NAV3: variants seen among roughly 807,000 people sequenced by gnomAD.
NAV3 encodes neuron navigator 3.
NAV3 carries 87 observed loss-of-function variants against 244.7 expected under a neutral mutation model. The ratio of observed to expected loss-of-function variants is 0.36; its 90% CI spans 0.30 to 0.42. The LOEUF is 0.42. Ranked by LOEUF, NAV3 falls within the 20% of genes least tolerant of loss-of-function variation. The pLI is 1.00. For missense variants in NAV3, 2,663 were observed against 2,893.3 expected (o/e 0.92, Z 1.83); for synonymous variants, 1,126 against 1,042.2 (o/e 1.08, Z -1.55).
intron 1 of NAV3, among the ~76,000 whole-genome samples, chr12:77,858,535 C>G (rs1878736527): frequency 1.3e-5 from 2 of 152,020 alleles, no homozygotes; most frequent in South Asian, 4.1e-4. Context: ...GGTGAGAAAA[C>G]AGTTCTGTTG....
intron 2 of NAV3, among the ~76,000 whole-genome samples, chr12:77,597,745 G>A (rs937476659): frequency 1.3e-5 from 2 of 151,994 alleles, no homozygotes; most frequent in African/African-American, 2.4e-5. Flanking sequence ...AAAACAGAAG[G>A]ATGTACAAAG....
chr12:78,080,469 G>C (rs941387963), intron 12 of NAV3, among the ~76,000 whole-genome samples: 1 of 152,106 alleles, frequency 6.6e-6, no homozygotes, highest in Non-Finnish European at 1.5e-5. Flanking sequence ...TTGGATTAAA[G>C]ACTTAATCAC....
intron 2 of NAV3, among the ~76,000 whole-genome samples, chr12:77,588,424 G>T (rs1326541770): frequency 6.6e-6 from 1 of 152,080 alleles, no homozygotes; most frequent in Admixed American, 6.6e-5. Context: ...CAACCAATAA[G>T]TATTTACTGT....
intron 2 of NAV3, among the ~76,000 whole-genome samples, chr12:77,588,292 T>TA (rs1869731405): frequency 6.6e-6 from 1 of 151,936 alleles, no homozygotes; most frequent in Admixed American, 6.6e-5. Context: ...TTTTTTATTT[T>TA]TTTTTTGGTA....
chr12:77,713,850 G>C (rs761696719), intron 2 of NAV3, among the ~76,000 whole-genome samples: 1 of 151,978 alleles, frequency 6.6e-6, no homozygotes, highest in African/African-American at 2.4e-5. Context: ...GTTATTGTGG[G>C]CTAGGTAATT....
chr12:77,826,428 G>C (rs1479747214), upstream of NAV3, among the ~76,000 whole-genome samples: 1 of 151,626 alleles, frequency 6.6e-6, no homozygotes, highest in African/African-American at 2.4e-5. Context: ...GGAGGCTGAA[G>C]TTGTAGTGAG....
chr12:78,065,904 T>A (rs1884961393), intron 12 of NAV3, among the ~76,000 whole-genome samples: 1 of 152,136 alleles, frequency 6.6e-6, no homozygotes. Context: ...GTGATAAGTC[T>A]TAAGGAAGAT....
chr12:77,977,550 C>T (rs1256326178), intron 5 of NAV3, among the ~76,000 whole-genome samples: 4 of 152,096 alleles, frequency 2.6e-5, no homozygotes, highest in South Asian at 4.1e-4. Flanking sequence ...TCTCTGTTAT[C>T]GGCACTTTTA....
intron 2 of NAV3, among the ~76,000 whole-genome samples, chr12:77,592,208 C>T (rs376172087): frequency 3.3e-5 from 5 of 152,324 alleles, no homozygotes; most frequent in African/African-American, 1.2e-4. Flanking sequence ...TGGAGACTGG[C>T]TGGCTGGGGC....
chr12:78,121,284 G>GTT (rs1955656092), intron 15 of NAV3, among the ~76,000 whole-genome samples: 1 of 152,136 alleles, frequency 6.6e-6, no homozygotes. Context: ...CACCAGCTCT[G>GTT]TTTCAAATCA....
intron 2 of NAV3, among the ~76,000 whole-genome samples, chr12:77,771,554 C>T (rs1870087793): frequency 1.3e-5 from 2 of 152,128 alleles, no homozygotes; most frequent in Admixed American, 1.3e-4. Context: ...GAAAATGTGG[C>T]ACATATACAC....
intron 2 of NAV3, among the ~76,000 whole-genome samples, chr12:77,711,456 T>G (rs1049231814): frequency 1.1e-4 from 17 of 152,252 alleles, no homozygotes; most frequent in African/African-American, 4.1e-4. Flanking sequence ...GCTAATTTTC[T>G]TTTTAATCTC....
At chr12:77,701,763 A>G (rs1472546171) in intron 2 of NAV3, among the ~76,000 whole-genome samples, 1 of 152,000 alleles carries the variant, frequency 6.6e-6, no homozygotes, top group Non-Finnish European at 1.5e-5. Context: ...TAGCATGTTC[A>G]TTCCAAATCT....
At position 77,713,563 on chromosome 12, in the gene NAV3, T is replaced by G. The variant is rs187689530; in HGVS notation, c.72+141297T>G. Among the ~76,000 whole-genome samples, 168 of 152,326 alleles carry G rather than the reference T, an allele frequency of 1.1e-3. 1 individual carries two copies. The highest frequency in any genetic ancestry group is 3.5e-3 in the African/African-American group (144 of 41,580). On this transcript the variant is annotated intron_variant, in intron 2 of 8. Coordinates refer to the NAV3 transcript ENST00000550042. ...TGTTTAATGAGATCTGTAGAATATA[T>G]GAAGCTTGTTAAATGTTGAGCAGAA...
At position 78,094,962 on chromosome 12, in the gene NAV3, G is replaced by A. The variant is rs532989871; in HGVS notation, c.2637-21810G>A. Among the ~76,000 whole-genome samples, 29 of 151,340 alleles carry A rather than the reference G, an allele frequency of 1.9e-4. 1 individual carries two copies. The South Asian group carries it at 5.2e-3, about 27-fold the overall frequency. ...CTTGGGAGGCTGAGGCAGGAGAATC[G>A]CTTGAACCCAGGAGGCGAGGGTTGC... is the stretch of plus-strand genomic sequence containing the variant. On this transcript the variant is annotated intron_variant, in intron 12 of 39. Coordinates refer to ENST00000397909, the MANE Select transcript of NAV3 (RefSeq NM_001024383.2).
chr12:78,131,605 T>C (rs903359144), intron 18 of NAV3, among the ~76,000 whole-genome samples: 6 of 152,156 alleles, frequency 3.9e-5, no homozygotes, highest in Admixed American at 2.0e-4. Context: ...ATTAGTTGAC[T>C]CCTTCTTCTA....
intron 2 of NAV3, among the ~76,000 whole-genome samples, chr12:77,712,293 G>C (rs944251559): frequency 2.6e-5 from 4 of 152,142 alleles, no homozygotes; most frequent in African/African-American, 9.7e-5. Flanking sequence ...TTTACATAGA[G>C]GGAGGATATC....
intron 2 of NAV3, among the ~76,000 whole-genome samples, chr12:77,592,992 G>T (rs150963574): frequency 6.6e-6 from 1 of 152,280 alleles, no homozygotes; most frequent in African/African-American, 2.4e-5. Flanking sequence ...GCAGATGGAG[G>T]TGGTGAAAAC....
At chr12:77,769,327 T>A (rs1435985045) in intron 2 of NAV3, among the ~76,000 whole-genome samples, 4 of 152,220 alleles carry the variant, frequency 2.6e-5, no homozygotes, top group Non-Finnish European at 5.9e-5. Context: ...ATTTCTAGTA[T>A]AACCTTAGAC....
Sources: gnomAD v4.1 joint callset for allele counts (sites outside exome capture counted in the v4.1 genomes callset) on GRCh38, gnomAD v4.1.1 for gene constraint, MANE v1.5 for transcripts, NCBI Gene and HGNC (gene_info 2026-07-23, HGNC 2026-07-21) for gene names.